C1orf174: variants seen among roughly 807,000 people sequenced by gnomAD.
C1orf174 encodes UPF0688 protein C1orf174.
C1orf174 carries 13 observed loss-of-function variants against 18.4 expected under a neutral mutation model. The ratio of observed to expected loss-of-function variants is 0.71; its 90% CI spans 0.46 to 1.12. The LOEUF is 1.12. Among genes scored for constraint, C1orf174 ranks in the 50% most tolerant of loss-of-function variants. The pLI, the probability that C1orf174 is intolerant of heterozygous loss-of-function variation, is 0.00. For synonymous variants in C1orf174, 100 were observed against 118.3 expected, an observed-to-expected ratio of 0.85 and a Z score of 1.01; for missense variants, 309 against 308.0, an observed-to-expected ratio of 1.00 and a Z score of -0.02.
At position 3,890,604 on chromosome 1, in the gene C1orf174, C is replaced by T. The variant is rs147890429; in HGVS notation, c.583G>A (p.Val195Met). Residue 195 changes from valine to methionine, a missense_variant, in exon 3 of 4, where the codon GTG becomes ATG. Physicochemically the swap from Val to Met is conservative, Grantham distance 21. Transcript: ENST00000361605. ...LDDDSNQPMP[V>M]SRFFGNVELM... ...TCAACGTTTCCAAAGAACCGGCTCA[C>T]GGGCATTGGCTGATTGCTGTCGTCA... The T allele has an allele frequency of 2.4e-5, 39 of 1,614,030 alleles. No homozygotes were observed. Among genetic ancestry groups the T allele is most frequent in the African/African-American group, 1.6e-4 (12 of 74,904 alleles).
intron 1 of C1orf174, among the ~76,000 whole-genome samples, chr1:3,896,577 G>A (rs549827425): frequency 2.0e-5 from 3 of 152,356 alleles, no homozygotes; most frequent in African/African-American, 4.8e-5. Context: ...GAGAAGTTCC[G>A]GCCTAAGGGA....
intron 1 of C1orf174, among the ~76,000 whole-genome samples, chr1:3,899,473 T>C (rs894617421): frequency 1.3e-5 from 2 of 152,168 alleles, no homozygotes; most frequent in Non-Finnish European, 2.9e-5. Flanking sequence ...ACCCACGCAA[T>C]GAGCACTTGC....
At chr1:3,897,620 C>T (rs560954186) in intron 1 of C1orf174, among the ~76,000 whole-genome samples, 1 of 152,312 alleles carries the variant, frequency 6.6e-6, no homozygotes, top group Admixed American at 6.5e-5. Context: ...GAAATAATGG[C>T]TGAGAACTTC....
intron 1 of C1orf174, among the ~76,000 whole-genome samples, chr1:3,898,781 CA>C (rs1167953185): frequency 5.0e-5 from 7 of 138,946 alleles, no homozygotes; most frequent in African/African-American, 2.1e-4. Context: ...TTGCCAATAA[CA>C]AAACAAAGTG....
chr1:3,896,935 A>T (rs1570968187), intron 1 of C1orf174, among the ~76,000 whole-genome samples: 1 of 152,114 alleles, frequency 6.6e-6, no homozygotes, highest in Non-Finnish European at 1.5e-5. Context: ...GCTGGGTGCC[A>T]CCCCCCACCA....
chr1:3,898,456 C>T lies in C1orf174; in HGVS notation c.15+1716G>A, dbSNP rs550957317. On this transcript the variant is annotated intron_variant, in intron 1 of 3. Coordinates refer to ENST00000361605, the MANE Select transcript of C1orf174 (RefSeq NM_207356.3). ...CCGGGAGGCAGAGGTTGCAGTGGGC[C>T]GAGATCACACCTCTGCACTCCAGCC... Among the ~76,000 whole-genome samples the T allele has an allele frequency of 5.3e-5, 8 of 151,764 alleles. No individual in the cohort carries two copies. In the East Asian group the frequency reaches 7.8e-4, roughly 15 times the overall value.
At chr1:3,891,243 C>T (rs756821966) in intron 2 of C1orf174, 186 bp from the exon 3 acceptor site, 47 of 681,956 alleles carry the variant, frequency 6.9e-5, no homozygotes, top group Non-Finnish European at 1.0e-4. Context: ...AATCTAGACA[C>T]ACCCCACACC....
chr1:3,897,672 T>C (rs1638630919), intron 1 of C1orf174, among the ~76,000 whole-genome samples: 7 of 149,572 alleles, frequency 4.7e-5, no homozygotes, highest in Admixed American at 4.7e-4. Flanking sequence ...TCCAGGAATC[T>C]TTTTTTTTTG....
chr1:3,898,998 A>G (rs540046414), intron 1 of C1orf174, among the ~76,000 whole-genome samples: 1 of 152,354 alleles, frequency 6.6e-6, no homozygotes, highest in East Asian at 1.9e-4. Context: ...GGAGAATATG[A>G]AGATTAAGCT....
intron 1 of C1orf174, among the ~76,000 whole-genome samples, chr1:3,894,022 A>C (rs906862549): frequency 3.3e-5 from 5 of 152,240 alleles, no homozygotes; most frequent in Non-Finnish European, 5.9e-5. Flanking sequence ...GGTACTCTTC[A>C]CTAAACTATA....
chr1:3,893,800 G>C lies in C1orf174; in HGVS notation c.16-804C>G, dbSNP rs1638555637. ...TAGTCCCAGCTATGTGGGAGGCTGAGGTGAGAGGATCACTTGATCCCAGGA... is the reference window on the plus strand; with the variant it reads ...TAGTCCCAGCTATGTGGGAGGCTGACGTGAGAGGATCACTTGATCCCAGGA... On this transcript the variant is annotated intron_variant, in intron 1 of 3. Transcript: ENST00000361605. Among the ~76,000 whole-genome samples the C allele has an allele frequency of 2.0e-5, 3 of 152,196 alleles. No individual in the cohort carries two copies. In the South Asian group the frequency reaches 6.2e-4, roughly 31 times the overall value.
Position 3,893,003 on chromosome 1 carries a change from A to C in C1orf174, c.16-7T>G, listed in dbSNP as rs1469898150. On this transcript the variant is annotated splice_polypyrimidine_tract_variant and splice_region_variant and intron_variant, in intron 1 of 3. Transcript: ENST00000361605. Reference sequence around the variant, plus strand: ...ACCGCACTGCACCTGTGAGCTAGAGAGATTGAGAGCCACTCAGAGAGTGCT... The same window carrying C: ...ACCGCACTGCACCTGTGAGCTAGAGCGATTGAGAGCCACTCAGAGAGTGCT... The C allele has an allele frequency of 3.7e-6, 6 of 1,613,102 alleles. No individual in the cohort carries two copies. Among genetic ancestry groups the C allele is most frequent in the Admixed American group, 3.3e-5 (2 of 59,862 alleles).
chr1:3,894,277 T>TA (rs1423394455), intron 1 of C1orf174, among the ~76,000 whole-genome samples: 1 of 149,168 alleles, frequency 6.7e-6, no homozygotes, highest in Non-Finnish European at 1.5e-5. Flanking sequence ...ATAAGAGAAA[T>TA]AAAAAAAGGA....
rs141693378 is a variant in C1orf174, at chr1:3,891,613, G to A, written c.130-556C>T. On this transcript the variant is annotated intron_variant, in intron 2 of 3. Transcript: ENST00000361605. ...CCCTCAACTGTAGGCTCCGTGAAGC[G>A]GCTCTACTTCACCGGTAAGTTCAGG... 3.4e-4 allele frequency: 339 copies of A among 986,114 alleles called. No individual in the cohort carries two copies. In the African/African-American group the frequency reaches 5.2e-3, roughly 15 times the overall value. 61.1% of individuals were successfully genotyped at this position (986,114 alleles called of 1,614,324 possible).
At chr1:3,896,289 C>T (rs149244501) in intron 1 of C1orf174, 30 of 152,808 alleles carry the variant, frequency 2.0e-4, no homozygotes, top group South Asian at 4.1e-4. Context: ...TCTACCAGTA[C>T]GGTTTAAGCC....
rs1336909483 is a variant in C1orf174 at position 3,889,742 on chromosome 1, C to T, written c.*218G>A. On this transcript the variant is annotated 3_prime_UTR_variant, in exon 4 of 4. Transcript: ENST00000361605. ...AAAAAGAAAGGACATTGGCACAGTA[C>T]AGCAGCTTTGCAACCTCAAAGATGG... 1.2e-5 allele frequency: 6 copies of T among 518,864 alleles called. No individual in the cohort carries two copies. The highest frequency in any genetic ancestry group is 2.1e-5 in the Non-Finnish European group (6 of 284,800). 32.1% of individuals were successfully genotyped at this position (518,864 alleles called of 1,614,324 possible).
intron 2 of C1orf174, chr1:3,891,511 C>A: frequency 1.2e-6 from 1 of 861,232 alleles, no homozygotes; most frequent in Non-Finnish European, 1.4e-6. Flanking sequence ...GTGAAATTGA[C>A]TTCGACAAAA....
At position 3,889,755 on chromosome 1, in the gene C1orf174, A is replaced by G. The variant is rs1638467505; in HGVS notation, c.*205T>C. On this transcript the variant is annotated 3_prime_UTR_variant, in exon 4 of 4. Transcript: ENST00000361605. ...ATTGGCACAGTACAGCAGCTTTGCA[A>G]CCTCAAAGATGGTTTGAGTTTTAGT... The G allele has an allele frequency of 1.7e-6, 1 of 589,470 alleles. No homozygotes were observed. The highest frequency in any genetic ancestry group is 2.7e-5 in the East Asian group (1 of 36,380). 36.5% of individuals were successfully genotyped at this position (589,470 alleles called of 1,614,324 possible).
intron 2 of C1orf174, 61 bp downstream of exon 2, chr1:3,892,822 T>C: frequency 6.3e-6 from 10 of 1,576,660 alleles, no homozygotes; most frequent in Non-Finnish European, 7.8e-6. Context: ...GAGTGGCAAT[T>C]TTGTATAAAA....
Sources: allele counts gnomAD v4.1 joint callset (sites outside exome capture counted in the v4.1 genomes callset), GRCh38; gene constraint gnomAD v4.1.1; transcripts MANE v1.5; gene names NCBI Gene and HGNC (gene_info 2026-07-23, HGNC 2026-07-21).